PLCG2: variants seen among roughly 807,000 people sequenced by gnomAD.
The protein encoded by PLCG2 is 1-phosphatidylinositol 4,5-bisphosphate phosphodiesterase gamma-2.
Under a neutral mutation model 175.6 loss-of-function variants are expected in PLCG2, and 69 were observed. That is an observed-to-expected ratio of 0.39 (90% CI 0.32 to 0.48). PLCG2 has a LOEUF of 0.48. Among genes scored for constraint, PLCG2 ranks in the 20% least tolerant of loss-of-function variants. The probability of loss-of-function intolerance (pLI) is 0.91; values close to 1 mark genes in which losing one functional copy is unlikely to be tolerated. For missense variants in PLCG2, 1,798 were observed against 1,650.9 expected, an observed-to-expected ratio of 1.09 and a Z score of -1.54; for synonymous variants, 827 against 624.0, an observed-to-expected ratio of 1.33 and a Z score of -4.85.
intron 2 of PLCG2, among the ~76,000 whole-genome samples, chr16:81,849,524 C>T (rs1023154032): frequency 1.3e-5 from 2 of 152,104 alleles, no homozygotes; most frequent in East Asian, 1.9e-4. Context: ...TTTGGAAGGC[C>T]GAGACAGGCG....
intron 11 of PLCG2, among the ~76,000 whole-genome samples, chr16:81,892,200 G>C (rs1242662594): frequency 6.6e-6 from 1 of 152,222 alleles, no homozygotes; most frequent in Non-Finnish European, 1.5e-5. Context: ...CAGGAGAGCG[G>C]TGTCAGGAGG....
Position 81,786,111 on chromosome 16 carries a change from G to A in PLCG2, c.122G>A (p.Arg41Lys). The A allele has an allele frequency of 6.2e-7, 1 of 1,614,198 alleles. No individual in the cohort carries two copies. Among genetic ancestry groups the A allele is most frequent in the Non-Finnish European group, 8.5e-7 (1 of 1,180,040 alleles). The change falls in exon 2 of 33, where the codon AGA (arginine) becomes AAA (lysine). Residue 41 changes from arginine to lysine, a missense_variant. By Grantham distance (26) the Arg-to-Lys change is conservative. Transcript: ENST00000564138. ...TTCCGCAAGTCCACCCCCGAGCGGA[G>A]AACCGTCCAGGTGATCATGGAGACG... ...FSFRKSTPER[R>K]TVQVIMETRQ...
chr16:81,921,032 A>G (rs1028032669), intron 20 of PLCG2, among the ~76,000 whole-genome samples, 166 bp from the exon 21 acceptor site: 1 of 152,170 alleles, frequency 6.6e-6, no homozygotes, highest in African/African-American at 2.4e-5. Flanking sequence ...GACCTTCTTT[A>G]TAGCTTCTTC....
At chr16:81,946,795 G>A (rs764241924) in intron 31 of PLCG2, among the ~76,000 whole-genome samples, 1 of 152,128 alleles carries the variant, frequency 6.6e-6, no homozygotes, top group Non-Finnish European at 1.5e-5. Flanking sequence ...TCAATACTCA[G>A]ATATAGAATT....
chr16:81,856,586 A>G (rs1906694218), intron 3 of PLCG2, among the ~76,000 whole-genome samples: 3 of 152,226 alleles, frequency 2.0e-5, no homozygotes, highest in Non-Finnish European at 4.4e-5. Flanking sequence ...GTTGTGGTGC[A>G]GATTATTCCA....
chr16:81,911,638 T>C (rs1233263729), intron 18 of PLCG2, among the ~76,000 whole-genome samples: 1 of 151,678 alleles, frequency 6.6e-6, no homozygotes, highest in African/African-American at 2.4e-5. Flanking sequence ...TGAGACCGGG[T>C]CTCGCTCTGT....
intron 25 of PLCG2, among the ~76,000 whole-genome samples, chr16:81,933,643 A>G (rs906707386): frequency 2.0e-5 from 3 of 151,350 alleles, no homozygotes; most frequent in Non-Finnish European, 4.4e-5. Flanking sequence ...TTAAATGGAG[A>G]TAATTCTCCC....
chr16:81,924,147 C>G (rs1251920170), intron 22 of PLCG2, among the ~76,000 whole-genome samples: 1 of 152,200 alleles, frequency 6.6e-6, no homozygotes, highest in Admixed American at 6.5e-5. Context: ...CCTGGGTATG[C>G]TAGGGTTTAG....
In PLCG2 at chr16:81,960,897, C is replaced by G. The variant is rs1911756166; in HGVS notation, c.*2899C>G. On this transcript the variant is annotated 3_prime_UTR_variant, in exon 33 of 33. Coordinates refer to ENST00000564138, the MANE Select transcript of PLCG2 (RefSeq NM_002661.5). Reference sequence around the variant, plus strand: ...CAGAGCCTCATCTTCCTGTTATATTCTTCTCTAAGATTCATCTGCCTGAGA... The same window carrying G: ...CAGAGCCTCATCTTCCTGTTATATTGTTCTCTAAGATTCATCTGCCTGAGA... 4.4e-6 allele frequency: 1 copy of G among 229,310 alleles called. No homozygotes were observed. The highest frequency in any genetic ancestry group is 8.6e-6 in the Non-Finnish European group (1 of 115,682). 14.2% of individuals were successfully genotyped at this position (229,310 alleles called of 1,614,324 possible). A position where few individuals can be genotyped will look rare whatever the true frequency, so the allele number is the denominator to read the frequency against.
At chr16:81,762,034 T>A (rs1366391667) in intron 2 of PLCG2, among the ~76,000 whole-genome samples, 1 of 151,842 alleles carries the variant, frequency 6.6e-6, no homozygotes, top group East Asian at 2.0e-4. Flanking sequence ...GGTTTCCCTA[T>A]GTGGTGGCTA....
At chr16:81,829,170 A>C (rs548969271) in intron 2 of PLCG2, among the ~76,000 whole-genome samples, 2 of 152,222 alleles carry the variant, frequency 1.3e-5, no homozygotes, top group Non-Finnish European at 2.9e-5. Context: ...GTGCAGTGGC[A>C]CGATCTCGGC....
intron 17 of PLCG2, among the ~76,000 whole-genome samples, chr16:81,909,079 C>G (rs1909504797): frequency 6.6e-6 from 1 of 152,226 alleles, no homozygotes; most frequent in South Asian, 2.1e-4. Flanking sequence ...TTATCCATGT[C>G]TCAGTGCATT....
chr16:81,815,696 G>A (rs576891755), intron 2 of PLCG2, among the ~76,000 whole-genome samples: 2 of 152,098 alleles, frequency 1.3e-5, no homozygotes, highest in Admixed American at 6.5e-5. Flanking sequence ...TCCCATGCAG[G>A]TGGTGGCTTC....
chr16:81,882,774 A>C (rs1683429205), intron 8 of PLCG2, among the ~76,000 whole-genome samples: 1 of 151,342 alleles, frequency 6.6e-6, no homozygotes, highest in African/African-American at 2.4e-5. Flanking sequence ...ATTCTGGCTC[A>C]CCCCACCTCG....
upstream of PLCG2, among the ~76,000 whole-genome samples, chr16:81,776,219 C>T (rs111997358): frequency 0.014 from 2,045 of 151,180 alleles, 36 homozygotes; most frequent in African/African-American, 0.046. Flanking sequence ...GGCCATTCTC[C>T]TGCCTCAGCC....
rs41311272 is a variant in PLCG2, at chr16:81,923,394, A to G, written c.2308-91A>G. 22,874 of 727,088 alleles carry G rather than the reference A, an allele frequency of 0.031. 461 individuals are homozygous for G. The highest frequency in any genetic ancestry group is 0.064 in the East Asian group (2,416 of 37,958). 45.0% of individuals were successfully genotyped at this position (727,088 alleles called of 1,614,324 possible). A position where few individuals can be genotyped will look rare whatever the true frequency, so the allele number is the denominator to read the frequency against. ...TTGGCCTGAAGCCTCCTGCTCCCCA[A>G]TGAGAAGAACCAAATGGTACCTGGG... On this transcript the variant is annotated intron_variant, in intron 21 of 32. Transcript: ENST00000564138.
At chr16:81,787,104 G>T (rs879568494) in intron 2 of PLCG2, among the ~76,000 whole-genome samples, 3 of 152,220 alleles carry the variant, frequency 2.0e-5, no homozygotes, top group African/African-American at 7.2e-5. Flanking sequence ...TTGGACACAT[G>T]ACATGTAATG....
intron 19 of PLCG2, among the ~76,000 whole-genome samples, chr16:81,916,398 C>G (rs1909844471): frequency 6.6e-6 from 1 of 151,810 alleles, no homozygotes; most frequent in Admixed American, 6.6e-5. Context: ...TTTTTCCCTG[C>G]CATGCAAAAT....
intron 2 of PLCG2, among the ~76,000 whole-genome samples, chr16:81,772,440 A>T (rs771198044): frequency 7.2e-5 from 11 of 152,088 alleles, no homozygotes; most frequent in Admixed American, 6.5e-5. Flanking sequence ...CACCAAGTTC[A>T]TGGTAATTTG....
Sources: gnomAD v4.1 joint callset for allele counts (sites outside exome capture counted in the v4.1 genomes callset) on GRCh38, gnomAD v4.1.1 for gene constraint, MANE v1.5 for transcripts, NCBI Gene and HGNC (gene_info 2026-07-23, HGNC 2026-07-21) for gene names.